Variants in PDSS2 observed in about 807,000 individuals in gnomAD.
PDSS2 encodes the protein decaprenyl diphosphate synthase subunit 2.
In PDSS2, 31 loss-of-function variants were observed where a neutral mutation model predicts 44.5. The ratio of observed to expected loss-of-function variants is 0.70; its 90% CI spans 0.52 to 0.94. The LOEUF is 0.94. Ranked by LOEUF, PDSS2 falls within the 40% of genes least tolerant of loss-of-function variation. The pLI, the probability that PDSS2 is intolerant of heterozygous loss-of-function variation, is 0.00. For missense variants in PDSS2, 452 were observed against 482.2 expected, an observed-to-expected ratio of 0.94 and a Z score of 0.59; for synonymous variants, 157 against 180.3, an observed-to-expected ratio of 0.87 and a Z score of 1.03.
At chr6:107,284,802 C>G (rs1302166202) in intron 2 of PDSS2, among the ~76,000 whole-genome samples, 1 of 152,150 alleles carries the variant, frequency 6.6e-6, no homozygotes, top group East Asian at 1.9e-4. Flanking sequence ...TAAAAAGTGC[C>G]TAATAGTGAT....
chr6:107,429,289 T>G (rs1046778701), intron 1 of PDSS2, among the ~76,000 whole-genome samples: 1 of 152,162 alleles, frequency 6.6e-6, no homozygotes, highest in Non-Finnish European at 1.5e-5. Flanking sequence ...AAAGAAGCCA[T>G]GCACAAGCTA....
At chr6:107,337,072 C>T (rs1313669645) in intron 1 of PDSS2, among the ~76,000 whole-genome samples, 1 of 114,460 alleles carries the variant, frequency 8.7e-6, no homozygotes, top group Non-Finnish European at 2.0e-5. Context: ...CACACACACA[C>T]ACACAAATAA....
chr6:107,404,393 T>G (rs1009225499), intron 1 of PDSS2, among the ~76,000 whole-genome samples: 2 of 152,202 alleles, frequency 1.3e-5, no homozygotes, highest in African/African-American at 2.4e-5. Context: ...TCCATATTTT[T>G]GGGTATCTTT....
chr6:107,333,840 A>G, intron 2 of PDSS2, among the ~76,000 whole-genome samples: 1 of 152,100 alleles, frequency 6.6e-6, no homozygotes, highest in East Asian at 1.9e-4. Flanking sequence ...CCGGCCAACA[A>G]GGTGTCATTT....
intron 3 of PDSS2, chr6:107,264,461 A>T (rs1331409419): frequency 6.5e-7 from 1 of 1,549,766 alleles, no homozygotes; most frequent in Admixed American, 2.0e-5. Flanking sequence ...ATCCAGGCTG[A>T]CTCACAGTCT....
At chr6:107,420,441 C>T (rs1780788605) in intron 1 of PDSS2, among the ~76,000 whole-genome samples, 1 of 152,146 alleles carries the variant, frequency 6.6e-6, no homozygotes, top group South Asian at 2.1e-4. Context: ...CACTACATCG[C>T]TATCATAATC....
chr6:107,455,542 G>A (rs903390597), intron 1 of PDSS2, among the ~76,000 whole-genome samples: 26 of 151,382 alleles, frequency 1.7e-4, no homozygotes, highest in African/African-American at 6.3e-4. Context: ...GATCATGAGG[G>A]CAGGAGCTAG....
intron 1 of PDSS2, among the ~76,000 whole-genome samples, chr6:107,382,996 T>C (rs2114475722): frequency 1.3e-5 from 2 of 151,926 alleles, no homozygotes; most frequent in Non-Finnish European, 2.9e-5. Flanking sequence ...ACTCATACCA[T>C]ATACAAAAAT....
At chr6:107,295,436 T>C (rs1042124584) in intron 2 of PDSS2, among the ~76,000 whole-genome samples, 1 of 152,148 alleles carries the variant, frequency 6.6e-6, no homozygotes, top group African/African-American at 2.4e-5. Context: ...CCCTTGTGGG[T>C]ATCTGTGAAA....
chr6:107,242,625 G>A lies in PDSS2; in HGVS notation c.702+2923C>T, dbSNP rs186490183. On this transcript the variant is annotated intron_variant, in intron 4 of 7. Coordinates refer to ENST00000369037, the MANE Select transcript of PDSS2 (RefSeq NM_020381.4). ...TGGTGTGATCACAGCTTATTGTAAC[G>A]TCAAACTCCTGGGTTCCAGTGATCC... 1.1e-4 allele frequency among the ~76,000 whole-genome samples: 16 copies of A among 152,214 alleles called. No individual in the cohort carries two copies. In the South Asian group the frequency reaches 2.1e-3, roughly 20 times the overall value.
At chr6:107,374,253 C>CAAAAAAAAAAAAAAAAAA (rs3033569) in intron 1 of PDSS2, among the ~76,000 whole-genome samples, 2 of 70,570 alleles carry the variant, frequency 2.8e-5, no homozygotes, top group Non-Finnish European at 4.9e-5. Flanking sequence ...GACTCCATCA[C>CAAAAAAAAAAAAAAAAAA]AAAAAAAAAA....
chr6:107,240,317 C>CT (rs1398202140), intron 4 of PDSS2, among the ~76,000 whole-genome samples: 4 of 151,790 alleles, frequency 2.6e-5, no homozygotes, highest in Non-Finnish European at 4.4e-5. Flanking sequence ...GCAAGGACTG[C>CT]TTGAGCCCAG....
chr6:107,369,803 G>A (rs1779076022), intron 1 of PDSS2, among the ~76,000 whole-genome samples: 1 of 151,468 alleles, frequency 6.6e-6, no homozygotes, highest in Admixed American at 6.6e-5. Context: ...CCAGGAGTTT[G>A]AGACCAGCCT....
At chr6:107,441,485 G>A (rs976004321) in intron 1 of PDSS2, among the ~76,000 whole-genome samples, 3 of 152,166 alleles carry the variant, frequency 2.0e-5, no homozygotes, top group African/African-American at 7.2e-5. Flanking sequence ...ATATAAGTGT[G>A]ATGGTAGTGG....
At chr6:107,307,328 T>C (rs1479152610) in intron 2 of PDSS2, among the ~76,000 whole-genome samples, 2 of 152,146 alleles carry the variant, frequency 1.3e-5, no homozygotes, top group African/African-American at 2.4e-5. Flanking sequence ...TATCTGAAAA[T>C]GTCCCCTGTT....
At chr6:107,173,591 A>AAC (rs1460663144) in intron 7 of PDSS2, among the ~76,000 whole-genome samples, 1 of 150,126 alleles carries the variant, frequency 6.7e-6, no homozygotes, top group Non-Finnish European at 1.5e-5. Flanking sequence ...AAAAAAAAAA[A>AAC]AAAAAACGCT....
intron 1 of PDSS2, among the ~76,000 whole-genome samples, chr6:107,458,643 T>C (rs74996960): frequency 0.033 from 4,838 of 147,584 alleles, 260 homozygotes; most frequent in African/African-American, 0.11. Context: ...AATTAATCTA[T>C]CCCATTAAAA....
At chr6:107,409,760 T>C (rs752675847) in intron 1 of PDSS2, among the ~76,000 whole-genome samples, 24 of 152,214 alleles carry the variant, frequency 1.6e-4, no homozygotes, top group Admixed American at 6.5e-5. Flanking sequence ...ATCTGCAAAG[T>C]AGACACGGTT....
chr6:107,282,126 G>A (rs978587306), intron 2 of PDSS2, among the ~76,000 whole-genome samples: 14 of 152,054 alleles, frequency 9.2e-5, no homozygotes, highest in African/African-American at 3.4e-4. Context: ...GGCTGGTCTC[G>A]AACCGCTGAC....
Sources: allele counts gnomAD v4.1 joint callset (sites outside exome capture counted in the v4.1 genomes callset), GRCh38; gene constraint gnomAD v4.1.1; transcripts MANE v1.5; gene names NCBI Gene and HGNC (gene_info 2026-07-23, HGNC 2026-07-21).